The following DNAAF4 variants were observed in gnomAD, a reference collection of about 807,000 sequenced individuals.
DNAAF4 encodes the protein dynein assembly factor 4, axonemal.
In DNAAF4, 43 loss-of-function variants were observed where a neutral mutation model predicts 51.8. The observed-to-expected ratio is 0.83, with a 90% CI of 0.65 to 1.07. DNAAF4 has a LOEUF of 1.07. Among genes scored for constraint, DNAAF4 ranks in the 50% least tolerant of loss-of-function variants. DNAAF4 has a pLI of 0.00. For missense variants in DNAAF4, 581 were observed against 493.0 expected, an observed-to-expected ratio of 1.18 and a Z score of -1.69; for synonymous variants, 194 against 165.6, an observed-to-expected ratio of 1.17 and a Z score of -1.32.
chr15:55,455,926 T>C (rs1008252780), intron 5 of DNAAF4, among the ~76,000 whole-genome samples: 1 of 151,998 alleles, frequency 6.6e-6, no homozygotes, highest in Non-Finnish European at 1.5e-5. Flanking sequence ...GACTGAAGTG[T>C]TGTGAAGACT....
chr15:55,462,616 C>T (rs74399885), intron 5 of DNAAF4, among the ~76,000 whole-genome samples: 7,492 of 148,272 alleles, frequency 0.051, 257 homozygotes, highest in East Asian at 0.15. Context: ...ATACCAAAAC[C>T]AGGAAAGGAC....
chr15:55,484,277 A>G (rs2058454673), intron 4 of DNAAF4, among the ~76,000 whole-genome samples: 1 of 151,992 alleles, frequency 6.6e-6, no homozygotes, highest in African/African-American at 2.4e-5. Flanking sequence ...AGGTCAGGAG[A>G]TCGAGATCAT....
intron 6 of DNAAF4, among the ~76,000 whole-genome samples, chr15:55,442,475 G>A (rs1044867089): frequency 8.5e-5 from 13 of 152,138 alleles, no homozygotes; most frequent in African/African-American, 3.1e-4. Flanking sequence ...TTGGGAAGAT[G>A]GAAACTGAAT....
At chr15:55,487,262 T>C (rs866530019) in intron 4 of DNAAF4, among the ~76,000 whole-genome samples, 10 of 151,884 alleles carry the variant, frequency 6.6e-5, no homozygotes, top group African/African-American at 2.2e-4. Flanking sequence ...TCTGCAAAAA[T>C]GCACCAATCA....
intron 1 of DNAAF4, among the ~76,000 whole-genome samples, chr15:55,501,715 G>A (rs1320434112): frequency 6.7e-6 from 1 of 150,348 alleles, no homozygotes. Flanking sequence ...TCATTAGGGA[G>A]GCAAAAAATT....
intron 6 of DNAAF4, chr15:55,443,316 G>C: frequency 1.7e-6 from 2 of 1,203,798 alleles, no homozygotes; most frequent in Non-Finnish European, 2.4e-6. Context: ...GCTGGCAAAG[G>C]GCCCCCAGCG....
At chr15:55,471,022 TTTG>T (rs1263389097) in intron 4 of DNAAF4, among the ~76,000 whole-genome samples, 2 of 150,708 alleles carry the variant, frequency 1.3e-5, no homozygotes, top group East Asian at 2.0e-4. Flanking sequence ...AATGGCTAAT[TTTG>T]TTGTTGTTGT....
intron 6 of DNAAF4, among the ~76,000 whole-genome samples, chr15:55,448,883 A>AATT (rs948737170): frequency 6.6e-6 from 1 of 151,032 alleles, no homozygotes; most frequent in Non-Finnish European, 1.5e-5. Context: ...AAATAATAAT[A>AATT]ATTATTATTA....
intron 2 of DNAAF4, 59 bp downstream of exon 2, chr15:55,498,148 T>C: frequency 6.2e-7 from 1 of 1,610,860 alleles, no homozygotes; most frequent in Non-Finnish European, 8.5e-7. Context: ...CCAGCTGCGC[T>C]CTTGCAGAAG....
chr15:55,427,871 G>A (rs1398826583), downstream of DNAAF4, among the ~76,000 whole-genome samples: 4 of 151,904 alleles, frequency 2.6e-5, no homozygotes, highest in Non-Finnish European at 4.4e-5. Flanking sequence ...CCGACCTCAG[G>A]TGATCCACCC....
intron 6 of DNAAF4, among the ~76,000 whole-genome samples, chr15:55,440,895 C>A (rs1045887089): frequency 1.3e-5 from 2 of 151,236 alleles, no homozygotes; most frequent in Admixed American, 6.6e-5. Context: ...ATGGGCCAGG[C>A]TGGTCTCAAA....
chr15:55,440,025 T>C (rs996942100), intron 6 of DNAAF4, among the ~76,000 whole-genome samples: 3 of 152,108 alleles, frequency 2.0e-5, no homozygotes, highest in Non-Finnish European at 4.4e-5. Flanking sequence ...ATTTTGTTTA[T>C]AGCAGCCAGA....
chr15:55,452,152 G>A (rs556370428), intron 5 of DNAAF4, among the ~76,000 whole-genome samples: 1 of 146,786 alleles, frequency 6.8e-6, no homozygotes, highest in African/African-American at 2.5e-5. Flanking sequence ...GGAAGCTGAG[G>A]CAGGAGAATC....
At chr15:55,458,482 C>G (rs1194366615) in intron 5 of DNAAF4, among the ~76,000 whole-genome samples, 1 of 152,038 alleles carries the variant, frequency 6.6e-6, no homozygotes, top group South Asian at 2.1e-4. Flanking sequence ...CCCAATCCAA[C>G]AAAGACAAAG....
At chr15:55,442,973 T>C in intron 6 of DNAAF4, 3 of 1,610,800 alleles carry the variant, frequency 1.9e-6, no homozygotes, top group Middle Eastern at 2.0e-4. Context: ...TCAACGTCAT[T>C]GTAGAACATC....
In DNAAF4 at chr15:55,491,273, A is replaced by G; in HGVS notation, c.272-17T>C. On this transcript the variant is annotated splice_polypyrimidine_tract_variant and intron_variant, in intron 3 of 9. Transcript: ENST00000321149. ...CTTTGTCAACTAAAATGTACAGAAT[A>G]TTGCTAAATTAGAATTATGACAAAT... 1 of 1,594,792 alleles carries G rather than the reference A, an allele frequency of 6.3e-7. No homozygotes were observed. Among genetic ancestry groups the G allele is most frequent in the Non-Finnish European group, 8.5e-7 (1 of 1,170,558 alleles).
intron 5 of DNAAF4, among the ~76,000 whole-genome samples, chr15:55,458,691 C>G (rs1467054859): frequency 6.6e-6 from 1 of 152,148 alleles, no homozygotes; most frequent in Non-Finnish European, 1.5e-5. Flanking sequence ...GCTCAAAGAA[C>G]ACCCGGGGAA....
chr15:55,469,168 T>G (rs1252742770), intron 4 of DNAAF4, among the ~76,000 whole-genome samples: 1 of 151,760 alleles, frequency 6.6e-6, no homozygotes, highest in Non-Finnish European at 1.5e-5. Context: ...CTGTCTCTAC[T>G]AAAAAATACA....
chr15:55,507,310 C>T (rs2058732294), intron 1 of DNAAF4, among the ~76,000 whole-genome samples: 1 of 152,186 alleles, frequency 6.6e-6, no homozygotes, highest in South Asian at 2.1e-4. Flanking sequence ...ATGTAAAACA[C>T]CTAACCTACC....
Sources: allele counts gnomAD v4.1 joint callset (sites outside exome capture counted in the v4.1 genomes callset), GRCh38; gene constraint gnomAD v4.1.1; transcripts MANE v1.5; gene names NCBI Gene and HGNC (gene_info 2026-07-23, HGNC 2026-07-21).